The following CDH17 variants were observed in gnomAD, a reference collection of about 807,000 sequenced individuals.
The protein encoded by CDH17 is cadherin-17.
A neutral mutation model predicts 86.3 loss-of-function variants in CDH17; 67 were observed. That is an observed-to-expected ratio of 0.78 (90% CI 0.64 to 0.95). CDH17 has a LOEUF of 0.95. Among genes scored for constraint, CDH17 ranks in the 40% least tolerant of loss-of-function variants. The pLI is 0.00. For synonymous variants in CDH17, 367 were observed against 366.4 expected (o/e 1.00, Z -0.02); for missense variants, 993 against 1,017.6 (o/e 0.98, Z 0.33).
intron 1 of CDH17, among the ~76,000 whole-genome samples, chr8:94,201,326 AG>A (rs1233057656): frequency 6.6e-6 from 1 of 152,136 alleles, no homozygotes; most frequent in Non-Finnish European, 1.5e-5. Context: ...CCCCTCAAAA[AG>A]CATATGTTGG....
In CDH17 at chr8:94,145,908, A is replaced by G. The variant is rs192856078; in HGVS notation, c.2167+20T>C. The G allele has an allele frequency of 5.7e-5, 91 of 1,603,948 alleles. No individual in the cohort carries two copies. In the African/African-American group the frequency reaches 9.0e-4, roughly 16 times the overall value. On this transcript the variant is annotated intron_variant, in intron 15 of 17. Coordinates refer to ENST00000027335, the MANE Select transcript of CDH17 (RefSeq NM_004063.4). ...TCATCATCCATCTATGTTTTTTTCC[A>G]TGTATTTCTGACAACTCACCATTGA...
chr8:94,175,702 G>A (rs911724374), intron 5 of CDH17, among the ~76,000 whole-genome samples: 5 of 152,040 alleles, frequency 3.3e-5, no homozygotes, highest in African/African-American at 1.2e-4. Context: ...GGAAGTGAAA[G>A]GTAGAAGGTC....
intron 1 of CDH17, among the ~76,000 whole-genome samples, chr8:94,216,909 TAA>T (rs990639613): frequency 6.6e-6 from 1 of 152,226 alleles, no homozygotes; most frequent in Non-Finnish European, 1.5e-5. Context: ...CAGTCATTCT[TAA>T]AGTTTCCCTT....
intron 3 of CDH17, among the ~76,000 whole-genome samples, chr8:94,179,098 C>A (rs2340031): frequency 0.19 from 28,718 of 151,360 alleles, 3,284 homozygotes; most frequent in Non-Finnish European, 0.25. Context: ...ACCCTAATCC[C>A]ATGGTCCTTT....
chr8:94,163,845 A>C, intron 10 of CDH17, among the ~76,000 whole-genome samples: 1 of 152,296 alleles, frequency 6.6e-6, no homozygotes, highest in African/African-American at 2.4e-5. Flanking sequence ...TGAAGACTGG[A>C]GTGGTCCCAG....
At chr8:94,169,596 C>T (rs1813228600) in intron 9 of CDH17, among the ~76,000 whole-genome samples, 2 of 152,088 alleles carry the variant, frequency 1.3e-5, no homozygotes, top group Non-Finnish European at 2.9e-5. Flanking sequence ...AAATGATAGT[C>T]GTGAGGCTGC....
rs1477435577 is a variant in CDH17, at chr8:94,200,546, T to C, written c.-20-5841A>G. ...ATTATTATTATCTTTTGTTTTTTTTTTTTTTTTTTTTTTTTTTTTTTTACA... is the reference window on the plus strand; with the variant it reads ...ATTATTATTATCTTTTGTTTTTTTTCTTTTTTTTTTTTTTTTTTTTTTACA... On this transcript the variant is annotated intron_variant, in intron 1 of 17. Transcript: ENST00000027335. Among the ~76,000 whole-genome samples the C allele has an allele frequency of 9.4e-4, 133 of 141,668 alleles. 1 individual carries two copies. The highest frequency in any genetic ancestry group is 2.7e-3 in the Admixed American group (38 of 14,226). The allele number at this position is 141,668 out of a possible 152,430, so 92.9% of individuals were successfully genotyped here.
chr8:94,154,465 C>T (rs1162043230), intron 12 of CDH17, among the ~76,000 whole-genome samples: 1 of 152,088 alleles, frequency 6.6e-6, no homozygotes, highest in Non-Finnish European at 1.5e-5. Context: ...AAACTCAAGC[C>T]CCCAAATCAA....
intron 1 of CDH17, among the ~76,000 whole-genome samples, chr8:94,216,564 T>TG (rs1814197367): frequency 9.7e-4 from 1 of 1,030 alleles, no homozygotes; most frequent in Admixed American, 0.042. Context: ...AGAGGGTTTG[T>TG]TTTTTTTTTT....
At chr8:94,131,078 G>A (rs1033475646) in intron 15 of CDH17, 86 bp from the exon 16 acceptor site, 10 of 743,674 alleles carry the variant, frequency 1.3e-5, no homozygotes, top group Non-Finnish European at 2.4e-5. Flanking sequence ...ACATACTAAG[G>A]TTGACTGGAA....
Position 94,191,596 on chromosome 8 carries a change from C to T in CDH17, c.52-2311G>A, listed in dbSNP as rs531294923. Among the ~76,000 whole-genome samples the T allele has an allele frequency of 2.6e-3, 315 of 123,418 alleles. 4 individuals are homozygous for T. The highest frequency in any genetic ancestry group is 7.5e-3 in the African/African-American group (277 of 36,742). The allele number at this position is 123,418 out of a possible 152,430, so 81.0% of individuals were successfully genotyped here. On this transcript the variant is annotated intron_variant, in intron 2 of 17. Coordinates refer to ENST00000027335, the MANE Select transcript of CDH17 (RefSeq NM_004063.4). Reference sequence around the variant, plus strand: ...CCTCCTGAATAGCTGGCATTACAGGCACCCCCCCACCATGCCCGACTAATT... The same window carrying T: ...CCTCCTGAATAGCTGGCATTACAGGTACCCCCCCACCATGCCCGACTAATT...
rs538702421 is a variant in CDH17, at chr8:94,165,759, A to T, written c.1282+2T>A. 3.1e-6 allele frequency: 5 copies of T among 1,598,554 alleles called. No individual in the cohort carries two copies. In the East Asian group the frequency reaches 1.1e-4, roughly 36 times the overall value. ...ACTCAAGACGGTGGATATGATACTA[A>T]CCTTTGTCAGACACCTCTATCGTTA... On this transcript the variant is annotated splice_donor_variant, in intron 10 of 17. Transcript: ENST00000027335. LOFTEE classifies it high-confidence loss of function.
intron 1 of CDH17, among the ~76,000 whole-genome samples, chr8:94,201,087 T>A (rs1041264392): frequency 1.3e-5 from 2 of 152,186 alleles, no homozygotes; most frequent in Non-Finnish European, 2.9e-5. Flanking sequence ...CTTTCCAAAA[T>A]GTTGAAAAGG....
In CDH17 at chr8:94,152,111, G is replaced by A. The variant is rs769157894; in HGVS notation, c.1553C>T (p.Pro518Leu). ...TNTGYVIIKK[P>L]LDFETAAVSN... ...AACAGCTGCTGTTTCAAAATCAAGAGGCTGTGTAGGAGAAAGAGAGAAAAT... is the reference window on the plus strand; with the variant it reads ...AACAGCTGCTGTTTCAAAATCAAGAAGCTGTGTAGGAGAAAGAGAGAAAAT... The change falls in exon 13 of 18, where the codon CCT becomes CTT. Residue 518 changes from proline to leucine, a missense_variant and splice_region_variant. Coordinates refer to ENST00000027335, the MANE Select transcript of CDH17 (RefSeq NM_004063.4). The A allele has an allele frequency of 2.5e-6, 4 of 1,613,820 alleles. No individual in the cohort carries two copies. Among genetic ancestry groups the A allele is most frequent in the South Asian group, 2.2e-5 (2 of 91,076 alleles).
At chr8:94,177,802 G>C in intron 3 of CDH17, 81 bp from the exon 4 acceptor site, 1 of 1,419,326 alleles carries the variant, frequency 7.0e-7, no homozygotes. Context: ...CCAATTTCAG[G>C]TAAAATTTTC....
chr8:94,210,332 A>G (rs2129671126), upstream of CDH17, among the ~76,000 whole-genome samples: 1 of 151,400 alleles, frequency 6.6e-6, no homozygotes, highest in African/African-American at 2.4e-5. Context: ...TCCTCTGTAC[A>G]TCACTTGCTA....
At chr8:94,174,053 C>G (rs1349935781) in intron 6 of CDH17, 49 bp downstream of exon 6, 3 of 1,608,902 alleles carry the variant, frequency 1.9e-6, no homozygotes, top group Non-Finnish European at 2.6e-6. Context: ...ACAGACCAAA[C>G]TCCCTTTTTC....
intron 1 of CDH17, among the ~76,000 whole-genome samples, chr8:94,205,270 C>CT (rs5893277): frequency 0.42 from 63,684 of 151,760 alleles, 14,520 homozygotes; most frequent in Middle Eastern, 0.54. Context: ...GGTGGCTTGA[C>CT]TTTTTTTTGA....
intron 12 of CDH17, among the ~76,000 whole-genome samples, chr8:94,156,249 C>T (rs977319710): frequency 3.3e-5 from 5 of 152,222 alleles, no homozygotes; most frequent in Non-Finnish European, 2.9e-5. Flanking sequence ...GGGATATTTA[C>T]AATTTTCACT....
Sources: allele counts gnomAD v4.1 joint callset (sites outside exome capture counted in the v4.1 genomes callset), GRCh38; gene constraint gnomAD v4.1.1; transcripts MANE v1.5; gene names NCBI Gene and HGNC (gene_info 2026-07-23, HGNC 2026-07-21).